SESN1: variants seen among roughly 807,000 people sequenced by gnomAD.
SESN1 encodes the protein sestrin-1.
SESN1 carries 30 observed loss-of-function variants against 59.3 expected under a neutral mutation model. The ratio of observed to expected loss-of-function variants is 0.51; its 90% CI spans 0.38 to 0.69. The LOEUF is 0.69. Ranked by LOEUF, SESN1 falls within the 30% of genes least tolerant of loss-of-function variation. The probability of loss-of-function intolerance (pLI) is 0.00; values close to 1 mark genes in which losing one functional copy is unlikely to be tolerated. For synonymous variants in SESN1, 197 were observed against 219.9 expected, an observed-to-expected ratio of 0.90 and a Z score of 0.92; for missense variants, 566 against 673.0, an observed-to-expected ratio of 0.84 and a Z score of 1.76.
rs754121515 is a variant in SESN1 at position 108,988,711 on chromosome 6, TATG to T, written c.1425-27_1425-25del. 89 of 1,566,282 alleles carry T rather than the reference TATG, an allele frequency of 5.7e-5. 2 individuals are homozygous for T. In the South Asian group the frequency reaches 8.1e-4, roughly 14 times the overall value. ...ATCTGTTGAAAGACATAATGAGAAT[TATG>T]ATATTTTCAGTGTATAACCTGTTTT... On this transcript the variant is annotated intron_variant, in intron 8 of 9. Coordinates refer to ENST00000436639, the MANE Select transcript of SESN1 (RefSeq NM_014454.3).
chr6:109,020,623 A>G (rs1237022075), intron 1 of SESN1, among the ~76,000 whole-genome samples: 4 of 150,546 alleles, frequency 2.7e-5, no homozygotes, highest in Non-Finnish European at 6.0e-5. Flanking sequence ...CTCAATACAT[A>G]TCCTTCTCCT....
intron 1 of SESN1, among the ~76,000 whole-genome samples, chr6:109,004,393 T>A (rs2114319434): frequency 6.6e-6 from 1 of 152,092 alleles, no homozygotes; most frequent in South Asian, 2.1e-4. Flanking sequence ...AGGGCTAAAT[T>A]TTAAAGAAAG....
At chr6:109,064,639 GGAGA>G in intron 1 of SESN1, among the ~76,000 whole-genome samples, 1 of 22,656 alleles carries the variant, frequency 4.4e-5, no homozygotes. Context: ...GGAGGGGAGA[GGAGA>G]GGTGGGGTGG....
intron 1 of SESN1, among the ~76,000 whole-genome samples, chr6:109,063,484 G>A (rs1296494214): frequency 7.9e-5 from 12 of 152,180 alleles, no homozygotes; most frequent in Admixed American, 4.6e-4. Context: ...CATGGAGACA[G>A]AGCAATCAAA....
At chr6:109,021,653 G>T (rs978089986) in intron 1 of SESN1, among the ~76,000 whole-genome samples, 4 of 152,026 alleles carry the variant, frequency 2.6e-5, no homozygotes, top group Admixed American at 2.6e-4. Context: ...TGTTGGCCAG[G>T]CTGGTCTCGA....
chr6:109,069,206 G>A lies in SESN1; in HGVS notation c.279+24589C>T, dbSNP rs116756523. On this transcript the variant is annotated intron_variant, in intron 1 of 9. Transcript: ENST00000436639. ...ATGTTAACAATACGTGACTCTAGGT[G>A]AAGGGTATATGGCATTTTCCATACT... Among the ~76,000 whole-genome samples, 1,090 of 152,092 alleles carry A rather than the reference G, an allele frequency of 7.2e-3. 11 individuals carry two copies. The highest frequency in any genetic ancestry group is 0.025 in the African/African-American group (1,024 of 41,478).
rs114315403 is a variant in SESN1 at position 109,091,251 on chromosome 6, G to A, written c.279+2544C>T. Among the ~76,000 whole-genome samples, 280 of 152,208 alleles carry A rather than the reference G, an allele frequency of 1.8e-3. 1 individual carries two copies. Among genetic ancestry groups the A allele is most frequent in the African/African-American group, 5.7e-3 (236 of 41,496 alleles). ...CAAAGCGTATTCAGTACAGTGACAC[G>A]CTGTACGGGTTTGTAGCCTAGAAAC... On this transcript the variant is annotated intron_variant, in intron 1 of 9. Transcript: ENST00000436639.
Position 109,063,275 on chromosome 6 carries a change from G to T in SESN1, c.279+30520C>A, listed in dbSNP as rs565475313. Reference sequence around the variant, plus strand: ...AGGCTCAGGTATAACTGTTTGAAGAGAAATAAGTAGGAGGGTGGGGTGGTG... The same window carrying T: ...AGGCTCAGGTATAACTGTTTGAAGATAAATAAGTAGGAGGGTGGGGTGGTG... On this transcript the variant is annotated intron_variant, in intron 1 of 9. Transcript: ENST00000436639. 1.3e-5 allele frequency among the ~76,000 whole-genome samples: 2 copies of T among 149,084 alleles called. 1 individual carries two copies. The highest frequency in any genetic ancestry group is 4.9e-5 in the African/African-American group (2 of 40,430).
At chr6:109,009,194 G>A (rs1779803499) in intron 1 of SESN1, among the ~76,000 whole-genome samples, 2 of 152,192 alleles carry the variant, frequency 1.3e-5, no homozygotes, top group Non-Finnish European at 2.9e-5. Flanking sequence ...CAGGAGGGCC[G>A]GGACGCTGCT....
intron 1 of SESN1, among the ~76,000 whole-genome samples, chr6:109,020,923 A>T (rs761744181): frequency 6.6e-6 from 1 of 152,184 alleles, no homozygotes; most frequent in Non-Finnish European, 1.5e-5. Context: ...GTAGTTCCCT[A>T]AAAAAGGAAT....
At chr6:109,050,759 T>C (rs897429243) in intron 1 of SESN1, among the ~76,000 whole-genome samples, 3 of 152,150 alleles carry the variant, frequency 2.0e-5, no homozygotes, top group African/African-American at 7.2e-5. Flanking sequence ...CTATCTTCTT[T>C]TAGTAATCAT....
At chr6:108,988,470 C>T in intron 9 of SESN1, 73 bp downstream of exon 9, 2 of 1,360,384 alleles carry the variant, frequency 1.5e-6, no homozygotes, top group Non-Finnish European at 1.0e-6. Context: ...GGTTTCAGCA[C>T]CATTAGGTTA....
intron 1 of SESN1, among the ~76,000 whole-genome samples, chr6:109,089,509 A>G (rs2114483166): frequency 6.6e-6 from 1 of 152,362 alleles, no homozygotes; most frequent in South Asian, 2.1e-4. Flanking sequence ...AAGAAGACAT[A>G]GCAGTGACAG....
chr6:109,085,245 C>A (rs534593472), intron 1 of SESN1, among the ~76,000 whole-genome samples: 1 of 152,038 alleles, frequency 6.6e-6, no homozygotes, highest in East Asian at 1.9e-4. Context: ...ACTGGCCAGG[C>A]GCAGCGGCTT....
At position 108,987,537 on chromosome 6, in the gene SESN1, A is replaced by C. The variant is rs773039049; in HGVS notation, c.*7T>G. On this transcript the variant is annotated 3_prime_UTR_variant, in exon 10 of 10. Coordinates refer to ENST00000436639, the MANE Select transcript of SESN1 (RefSeq NM_014454.3). ...ATTCCAGAATCATCTTTAATGAAGG[A>C]AAGGCATCAGGTCATATAGCGGGTA... The C allele has an allele frequency of 4.0e-6, 6 of 1,516,360 alleles. No homozygotes were observed. The Middle Eastern group carries it at 8.5e-4, about 215-fold the overall frequency. The allele number at this position is 1,516,360 out of a possible 1,614,324, so 93.9% of individuals were successfully genotyped here.
chr6:109,044,391 C>CTTTCCACCA (rs1453848653), intron 1 of SESN1, among the ~76,000 whole-genome samples: 1 of 137,864 alleles, frequency 7.3e-6, no homozygotes, highest in Non-Finnish European at 1.5e-5. Context: ...AAAGGATAGT[C>CTTTCCACCA]TTTCCACCAA....
At chr6:109,026,599 G>A (rs1259962545) in intron 1 of SESN1, among the ~76,000 whole-genome samples, 6 of 151,928 alleles carry the variant, frequency 3.9e-5, no homozygotes, top group Admixed American at 2.6e-4. Context: ...TCCCAGTTTC[G>A]GTTCAAGCGA....
chr6:109,073,729 A>G (rs76445801), intron 1 of SESN1, among the ~76,000 whole-genome samples: 1,766 of 152,354 alleles, frequency 0.012, 29 homozygotes, highest in African/African-American at 0.041. Context: ...TCTCAGCTTT[A>G]AAAGTTGGTA....
chr6:109,012,244 CTTTTTTTTTTT>C (rs1050059466), intron 1 of SESN1, among the ~76,000 whole-genome samples: 2 of 138,944 alleles, frequency 1.4e-5, no homozygotes, highest in South Asian at 2.3e-4. Context: ...TTTGATATTT[CTTTTTTTTTTT>C]TTTTTGAGAC....
Sources: gnomAD v4.1 joint callset for allele counts (sites outside exome capture counted in the v4.1 genomes callset) on GRCh38, gnomAD v4.1.1 for gene constraint, MANE v1.5 for transcripts, NCBI Gene and HGNC (gene_info 2026-07-23, HGNC 2026-07-21) for gene names.